Variants in ADGRG5 observed in about 807,000 individuals in gnomAD.
The protein encoded by ADGRG5 is adhesion G protein-coupled receptor G5.
ADGRG5 carries 37 observed loss-of-function variants against 53.2 expected under a neutral mutation model. That is an observed-to-expected ratio of 0.70 (90% confidence interval 0.53 to 0.91). ADGRG5 has a LOEUF of 0.91. Among genes scored for constraint, ADGRG5 ranks in the 40% least tolerant of loss-of-function variants. ADGRG5 has a pLI of 0.00. For missense variants in ADGRG5, 614 were observed against 675.8 expected (o/e 0.91, Z 1.01); for synonymous variants, 277 against 290.4 (o/e 0.95, Z 0.47).
At chr16:57,553,218 A>G (rs1267611657) in intron 1 of ADGRG5, among the ~76,000 whole-genome samples, 2 of 152,214 alleles carry the variant, frequency 1.3e-5, no homozygotes, top group African/African-American at 4.8e-5. Context: ...GACTTCCTTG[A>G]TGCAGGGTTG....
chr16:57,574,798 G>T lies in ADGRG5; in HGVS notation c.1209-17G>T. ...CTGGGAGCCACTGTGAGCCTGACACGTCACCCTCCCCTGCAGATGCTGGGT... is the reference window on the plus strand; with the variant it reads ...CTGGGAGCCACTGTGAGCCTGACACTTCACCCTCCCCTGCAGATGCTGGGT... On this transcript the variant is annotated splice_polypyrimidine_tract_variant and intron_variant, in intron 10 of 11. Coordinates refer to ENST00000349457, the MANE Select transcript of ADGRG5 (RefSeq NM_001304376.3). The surrounding 1 kb of genome is among the most constrained non-coding windows in gnomAD (Gnocchi z 4.4). 1 of 1,548,678 alleles carries T rather than the reference G, an allele frequency of 6.5e-7. No homozygotes were observed.
At chr16:57,551,903 C>T (rs1309442853) in intron 1 of ADGRG5, among the ~76,000 whole-genome samples, 5 of 152,194 alleles carry the variant, frequency 3.3e-5, no homozygotes, top group African/African-American at 1.2e-4. Flanking sequence ...CTCCTTGATC[C>T]ATGGGCTGCA....
Position 57,576,871 on chromosome 16 carries a change from G to A in ADGRG5, c.*1333G>A, listed in dbSNP as rs2279874. The A allele has an allele frequency of 0.042, 6,330 of 152,324 alleles. 415 individuals are homozygous for A. Among genetic ancestry groups the A allele is most frequent in the East Asian group, 0.34 (1,732 of 5,162 alleles). 9.4% of individuals were successfully genotyped at this position (152,324 alleles called of 1,614,324 possible). On this transcript the variant is annotated 3_prime_UTR_variant, in exon 12 of 12. Transcript: ENST00000349457. ...GCCACTGGGCCGTTTTGATGACCTC[G>A]AAGGTCACAGGCAGAAAATAGGAGC...
the ADGRG5 span, among the ~76,000 whole-genome samples, chr16:57,536,012 G>A: frequency 1.3e-5 from 2 of 152,162 alleles, no homozygotes; most frequent in Admixed American, 1.3e-4. Context: ...ACCTAGCGAC[G>A]GGCGGAGGGT....
intron 1 of ADGRG5, among the ~76,000 whole-genome samples, chr16:57,550,465 C>T (rs1414015081): frequency 2.0e-5 from 3 of 152,136 alleles, no homozygotes; most frequent in East Asian, 1.9e-4. Flanking sequence ...TTTTGCTAAC[C>T]ATGACTTTCA....
At chr16:57,554,325 A>G (rs1392146645) in intron 1 of ADGRG5, among the ~76,000 whole-genome samples, 3 of 151,404 alleles carry the variant, frequency 2.0e-5, no homozygotes, top group Non-Finnish European at 2.9e-5. Context: ...TTTTGGTTTC[A>G]TTAATTTTTC....
upstream of ADGRG5, among the ~76,000 whole-genome samples, chr16:57,540,243 G>GACAA (rs372707540): frequency 7.9e-5 from 12 of 152,194 alleles, no homozygotes; most frequent in East Asian, 1.9e-4. Context: ...CTCTGTCTCA[G>GACAA]ACAAACAAAC....
Position 57,575,028 on chromosome 16 carries a change from C to A in ADGRG5, c.1422C>A (p.Phe474Leu). Residue 474 changes from phenylalanine to leucine, a missense_variant, in exon 11 of 12, where the codon TTC (phenylalanine) becomes TTA (leucine). Physicochemically the swap from Phe to Leu is conservative, Grantham distance 22 (BLOSUM62 0). Transcript: ENST00000349457. ...TGGGAACCACCTGGGCCTTGGCCTT[C>A]TTTTCTTTTGGCGTCTTCCTGCTGC... Reference protein sequence around the residue: ...VLLGTTWALAFFSFGVFLLPQ... With the variant: ...VLLGTTWALALFSFGVFLLPQ... 1 of 1,614,052 alleles carries A rather than the reference C, an allele frequency of 6.2e-7. No homozygotes were observed. Among genetic ancestry groups the A allele is most frequent in the Non-Finnish European group, 8.5e-7 (1 of 1,180,008 alleles).
At chr16:57,562,273 G>T (rs1163399954) in intron 2 of ADGRG5, 111 bp from the exon 3 acceptor site, 5 of 1,391,996 alleles carry the variant, frequency 3.6e-6, no homozygotes, top group Non-Finnish European at 5.0e-6. Flanking sequence ...CTTCCTGGGG[G>T]CAGCAGGAGC....
intron 2 of ADGRG5, 97 bp downstream of exon 2, chr16:57,562,254 C>T (rs892363060): frequency 8.4e-6 from 12 of 1,421,736 alleles, no homozygotes; most frequent in Non-Finnish European, 1.2e-5. Context: ...TTGAAAAGGG[C>T]CACTTAGGCT....
intron 1 of ADGRG5, among the ~76,000 whole-genome samples, chr16:57,558,047 C>T (rs1483998161): frequency 6.6e-6 from 1 of 152,208 alleles, no homozygotes; most frequent in African/African-American, 2.4e-5. Flanking sequence ...ATATTTATGC[C>T]TAGAAATTGG....
chr16:57,567,367 G>A, intron 7 of ADGRG5, 103 bp from the exon 8 acceptor site: 1 of 1,341,100 alleles, frequency 7.5e-7, no homozygotes, highest in Non-Finnish European at 1.0e-6. Context: ...AGGCTTGTGG[G>A]GAAGGGGACT....
chr16:57,561,662 C>T (rs1321744437), intron 1 of ADGRG5, among the ~76,000 whole-genome samples: 1 of 152,222 alleles, frequency 6.6e-6, no homozygotes, highest in Admixed American at 6.5e-5. Flanking sequence ...AGAGGAGAGA[C>T]AGATCCTACC....
intron 1 of ADGRG5, among the ~76,000 whole-genome samples, chr16:57,553,903 G>C (rs1483722056): frequency 6.6e-6 from 1 of 152,000 alleles, no homozygotes; most frequent in Non-Finnish European, 1.5e-5. Flanking sequence ...TACTTATTTT[G>C]TCTTCCATTT....
the ADGRG5 span, among the ~76,000 whole-genome samples, chr16:57,529,737 C>T: frequency 1.3e-5 from 2 of 152,182 alleles, no homozygotes; most frequent in Non-Finnish European, 2.9e-5. This position sits in a 1 kb window ranked among gnomAD's most constrained non-coding sequence, Gnocchi z 4.1. Flanking sequence ...ATCACTTCCT[C>T]CTGGAAGCCC....
At chr16:57,553,823 C>A (rs1399338016) in intron 1 of ADGRG5, among the ~76,000 whole-genome samples, 9 of 152,238 alleles carry the variant, frequency 5.9e-5, no homozygotes, top group Admixed American at 2.0e-4. Flanking sequence ...GTAATATTAG[C>A]CTCCTAAAAT....
the ADGRG5 span, among the ~76,000 whole-genome samples, chr16:57,533,227 C>T: frequency 8.6e-3 from 1,304 of 152,228 alleles, 19 homozygotes; most frequent in African/African-American, 0.03. Context: ...AGTTTTGGAA[C>T]AGCACTCCCA....
chr16:57,568,148 C>G, intron 9 of ADGRG5, 24 bp downstream of exon 9: 1 of 1,610,168 alleles, frequency 6.2e-7, no homozygotes, highest in Non-Finnish European at 8.5e-7. Flanking sequence ...CTCTCCTCGC[C>G]TCCTCAGACT....
At chr16:57,545,447 G>A (rs1050285633) in intron 1 of ADGRG5, among the ~76,000 whole-genome samples, 1 of 152,186 alleles carries the variant, frequency 6.6e-6, no homozygotes, top group South Asian at 2.1e-4. Context: ...AGCCCTTTGG[G>A]AGGCTGAGGT....
Sources: allele counts gnomAD v4.1 joint callset (sites outside exome capture counted in the v4.1 genomes callset), GRCh38; gene constraint gnomAD v4.1.1; non-coding constraint Gnocchi (gnomAD v3.1); transcripts MANE v1.5; gene names NCBI Gene and HGNC (gene_info 2026-07-23, HGNC 2026-07-21).